Variants in STK36 observed in about 807,000 individuals in gnomAD.
STK36 encodes the protein serine/threonine kinase 36.
In STK36, 116 loss-of-function variants were observed where a neutral mutation model predicts 142.2. The ratio of observed to expected loss-of-function variants is 0.82; its 90% CI spans 0.70 to 0.95. STK36 has a LOEUF of 0.95. STK36 is among the 40% of genes least tolerant of loss of function. The pLI is 0.00. For synonymous variants in STK36, 619 were observed against 641.7 expected, an observed-to-expected ratio of 0.96 and a Z score of 0.53; for missense variants, 1,422 against 1,617.2, an observed-to-expected ratio of 0.88 and a Z score of 2.07.
chr2:218,679,841 T>A, intron 8 of STK36, 52 bp from the exon 9 acceptor site: 1 of 1,606,090 alleles, frequency 6.2e-7, no homozygotes, highest in Admixed American at 1.7e-5. Context: ...ATTCATATTG[T>A]CCTATAGCAA....
chr2:218,698,717 C>A lies in STK36; in HGVS notation c.3173C>A (p.Ser1058Tyr). The A allele has an allele frequency of 2.5e-6, 4 of 1,614,232 alleles. No homozygotes were observed. The highest frequency in any genetic ancestry group is 3.4e-6 in the Non-Finnish European group (4 of 1,180,050). ...CAGTTTGTGAACACAGTGTCTGCCT[C>A]CCCTAGAACCATCGTCTCGTTTCTC... ...LNQFVNTVSA[S>Y]PRTIVSFLSV... Residue 1058 changes from serine to tyrosine, a missense_variant, in exon 26 of 27, where the codon TCC becomes TAC. Physicochemically the swap from Ser to Tyr is moderately radical, Grantham distance 144. Around this residue, in one of 2 missense-constraint regions of STK36, gnomAD observed 962 missense variants for 1,167.5 expected, o/e 0.82. Coordinates refer to ENST00000295709, the MANE Select transcript of STK36 (RefSeq NM_015690.5).
chr2:218,679,124 G>C (rs370455089), intron 6 of STK36, 44 bp from the exon 7 acceptor site: 161 of 1,581,454 alleles, frequency 1.0e-4, no homozygotes, highest in Non-Finnish European at 1.3e-4. Context: ...AGAGACTTAA[G>C]GGAAGGGAAA....
chr2:218,693,903 A>G lies in STK36; in HGVS notation c.2256A>G (p.Val752=), dbSNP rs1449892024. 2 of 1,614,120 alleles carry G rather than the reference A, an allele frequency of 1.2e-6. No homozygotes were observed. Among genetic ancestry groups the G allele is most frequent in the East Asian group, 2.2e-5 (1 of 44,908 alleles). ...LFMLIQGKVK[V]VDWEESTEVT... The stretch of plus-strand genomic sequence containing the variant: ...TTAGGTTTCCTTTGTAGGTAAAAGT[A>G]GTAGATTGGGAAGAGTCTACTGAAG... Residue 752 remains valine (V), a synonymous_variant, in exon 19 of 27, where the codon GTA becomes GTG. Coordinates refer to ENST00000295709, the MANE Select transcript of STK36 (RefSeq NM_015690.5).
At chr2:218,700,210 T>C (rs913075144) in intron 26 of STK36, among the ~76,000 whole-genome samples, 1 of 151,090 alleles carries the variant, frequency 6.6e-6, no homozygotes, top group Non-Finnish European at 1.5e-5. Context: ...CGTGAGCCAC[T>C]CTTTTTTTTT....
At chr2:218,684,973 G>A in intron 10 of STK36, 112 bp from the exon 11 acceptor site, 4 of 1,379,944 alleles carry the variant, frequency 2.9e-6, no homozygotes, top group African/African-American at 1.4e-5. Flanking sequence ...TGCTAAAGGG[G>A]TCACTGGCTC....
chr2:218,672,349 G>T (rs1940019434), intron 1 of STK36, 134 bp downstream of exon 1: 1 of 334,098 alleles, frequency 3.0e-6, no homozygotes. Context: ...GAGGAGCTTG[G>T]AGCTCCTAGG....
chr2:218,684,888 C>T, intron 10 of STK36, 197 bp from the exon 11 acceptor site: 1 of 552,656 alleles, frequency 1.8e-6, no homozygotes. Flanking sequence ...CCGGTGTTCT[C>T]CAAGAGACTC....
Position 218,702,713 on chromosome 2 carries a change from C to G in STK36, c.*704C>G, listed in dbSNP as rs1237014887. The G allele has an allele frequency of 6.6e-6, 1 of 152,236 alleles. No individual in the cohort carries two copies. Among genetic ancestry groups the G allele is most frequent in the Non-Finnish European group, 1.5e-5 (1 of 68,046 alleles). 9.4% of individuals were successfully genotyped at this position (152,236 alleles called of 1,614,324 possible). A position where few individuals can be genotyped will look rare whatever the true frequency, so the allele number is the denominator to read the frequency against. ...TGGAGGTGCTGGTATCGTGTTCACA[C>G]AAGATCCTGGTCTGGCAGCTTATTT... On this transcript the variant is annotated 3_prime_UTR_variant, in exon 27 of 27. Coordinates refer to ENST00000295709, the MANE Select transcript of STK36 (RefSeq NM_015690.5).
intron 23 of STK36, 78 bp downstream of exon 23, chr2:218,697,291 C>T: frequency 6.5e-7 from 1 of 1,539,808 alleles, no homozygotes. Flanking sequence ...TGGGTTAACC[C>T]ACAGAGGTTT....
At chr2:218,698,558 A>G (rs1266549481) in intron 25 of STK36, 44 bp from the exon 26 acceptor site, 10 of 1,588,114 alleles carry the variant, frequency 6.3e-6, no homozygotes, top group Non-Finnish European at 7.7e-6. Flanking sequence ...ATAGCTGCAT[A>G]TACTCTCTCT....
Position 218,678,249 on chromosome 2 carries a change from C to G in STK36, c.685-919C>G, listed in dbSNP as rs1655092235. Among the ~76,000 whole-genome samples, 7 of 152,122 alleles carry G rather than the reference C, an allele frequency of 4.6e-5. No homozygotes were observed. The South Asian group carries it at 1.5e-3, about 32-fold the overall frequency. ...ACAAGCATGAGCCACTGCACCCAACCTTCTTTTATTTTTTATGTAGGGCAA... is the reference window on the plus strand; with the variant it reads ...ACAAGCATGAGCCACTGCACCCAACGTTCTTTTATTTTTTATGTAGGGCAA... On this transcript the variant is annotated intron_variant, in intron 6 of 26. Transcript: ENST00000295709.
chr2:218,674,576 C>T (rs1159368563), intron 4 of STK36, among the ~76,000 whole-genome samples: 1 of 152,168 alleles, frequency 6.6e-6, no homozygotes, highest in Non-Finnish European at 1.5e-5. Context: ...TGTAAGTAAT[C>T]ATATTTTTGA....
chr2:218,698,050 G>C (rs1469676315), intron 25 of STK36, 49 bp downstream of exon 25: 1 of 1,610,548 alleles, frequency 6.2e-7, no homozygotes, highest in South Asian at 1.1e-5. Context: ...AGCCAACCTT[G>C]TATCCTCTAA....
rs964956273 is a variant in STK36, at chr2:218,695,527, C to CTTTTTTTTTT, written c.2511+907_2511+916dup. On this transcript the variant is annotated intron_variant, in intron 21 of 26. Transcript: ENST00000295709. The stretch of plus-strand genomic sequence containing the variant: ...ATAGGTGTGAGCCACCATGTCCAGT[C>CTTTTTTTTTT]TTTTTTTTTTTTTTTTTTTTTTTTG... 8.2e-5 allele frequency among the ~76,000 whole-genome samples: 6 copies of CTTTTTTTTTT among 73,040 alleles called. 1 individual carries two copies. Among genetic ancestry groups the CTTTTTTTTTT allele is most frequent in the African/African-American group, 4.3e-4 (6 of 13,950 alleles). The allele number at this position is 73,040 out of a possible 152,430, so 47.9% of individuals were successfully genotyped here.
chr2:218,691,823 CCT>C (rs1941012527), intron 14 of STK36, among the ~76,000 whole-genome samples: 1 of 152,122 alleles, frequency 6.6e-6, no homozygotes, highest in African/African-American at 2.4e-5. Flanking sequence ...CTCCCAATCC[CCT>C]GTTGGGATTA....
In STK36 at chr2:218,675,346, C is replaced by T. The variant is rs757933817; in HGVS notation, c.307C>T (p.Gln103Ter). 40 of 1,609,726 alleles carry T rather than the reference C, an allele frequency of 2.5e-5. No homozygotes were observed. Among genetic ancestry groups the T allele is most frequent in the Non-Finnish European group, 3.2e-5 (38 of 1,178,038 alleles). Residue 103 changes from glutamine (Q) to a stop codon, truncating the protein, a stop_gained, in exon 5 of 27, where the codon CAG (glutamine) becomes TAG (stop). Transcript: ENST00000295709. LOFTEE classifies it high-confidence loss of function. ...DDGKLPEDQVQAIAAQLVSAL... is the reference protein window; with the variant it reads ...DDGKLPEDQV ...CTTCCACCTCTTTAATTTCTAGGTT[C>T]AGGCCATTGCTGCCCAGTTGGTGTC...
chr2:218,693,205 T>G (rs1941082113), intron 16 of STK36, 35 bp from the exon 17 acceptor site: 1 of 1,571,200 alleles, frequency 6.4e-7, no homozygotes, highest in East Asian at 2.2e-5. Flanking sequence ...TGTAATCATG[T>G]GGATAGGATT....
In STK36 at chr2:218,693,723, G is replaced by T; in HGVS notation, c.2149G>T (p.Val717Phe). Residue 717 changes from valine (V) to phenylalanine (F), a missense_variant and splice_region_variant, in exon 18 of 27, where the codon GTT becomes TTT. Physicochemically the swap from Val to Phe is conservative, Grantham distance 50. Around this residue, in one of 2 missense-constraint regions of STK36, gnomAD observed 962 missense variants for 1,167.5 expected, o/e 0.82. Coordinates refer to ENST00000295709, the MANE Select transcript of STK36 (RefSeq NM_015690.5). ...HPILCLHLLKVLYSCCLVSEG... is the reference protein window; with the variant it reads ...HPILCLHLLKFLYSCCLVSEG... ...GCCAGACTCCTTCCTTCTCCCTCAG[G>T]TTCTATACTCCTGCTGCCTTGTCAG... 6.2e-7 allele frequency: 1 copy of T among 1,613,860 alleles called. No individual in the cohort carries two copies. Among genetic ancestry groups the T allele is most frequent in the Non-Finnish European group, 8.5e-7 (1 of 1,180,002 alleles).
At chr2:218,678,573 A>T (rs1240359121) in intron 6 of STK36, among the ~76,000 whole-genome samples, 1 of 152,168 alleles carries the variant, frequency 6.6e-6, no homozygotes, top group Non-Finnish European at 1.5e-5. Context: ...TTCCTATTTG[A>T]GGCCCAATTG....
Sources: gnomAD v4.1 joint callset for allele counts (sites outside exome capture counted in the v4.1 genomes callset) on GRCh38, gnomAD v4.1.1 for gene constraint, gnomAD v4.1.1 regional missense constraint, MANE v1.5 for transcripts, NCBI Gene and HGNC (gene_info 2026-07-23, HGNC 2026-07-21) for gene names.